Variants in SPATA13 observed in about 807,000 individuals in gnomAD.
The protein encoded by SPATA13 is spermatogenesis associated 13, also known as spermatogenesis-associated protein 13.
A neutral mutation model predicts 104.0 loss-of-function variants in SPATA13; 50 were observed. That is an observed-to-expected ratio of 0.48 (90% CI 0.38 to 0.61). SPATA13 has a LOEUF of 0.61. Among genes scored for constraint, SPATA13 ranks in the 20% least tolerant of loss-of-function variants. The probability of loss-of-function intolerance (pLI) is 0.00; values close to 1 mark genes in which losing one functional copy is unlikely to be tolerated. For synonymous variants in SPATA13, 606 were observed against 667.5 expected, an observed-to-expected ratio of 0.91 and a Z score of 1.42; for missense variants, 1,524 against 1,690.6, an observed-to-expected ratio of 0.90 and a Z score of 1.73.
At chr13:24,002,422 G>C (rs1356130270) in intron 2 of SPATA13, among the ~76,000 whole-genome samples, 1 of 152,188 alleles carries the variant, frequency 6.6e-6, no homozygotes, top group Non-Finnish European at 1.5e-5. Context: ...CAGTCGCTCT[G>C]CATTCCATAG....
At chr13:24,209,704 T>C (rs751132391) in intron 1 of SPATA13, among the ~76,000 whole-genome samples, 4 of 152,224 alleles carry the variant, frequency 2.6e-5, no homozygotes, top group Non-Finnish European at 5.9e-5. Context: ...TCTTGGCTAC[T>C]GTGAATAGTG....
chr13:24,247,478 C>CTTTTTTTTTTTTTTTTTTT lies in SPATA13; in HGVS notation c.1654-1998_1654-1980dup, dbSNP rs10625714. 5.7e-5 allele frequency among the ~76,000 whole-genome samples: 5 copies of CTTTTTTTTTTTTTTTTTTT among 87,122 alleles called. 2 individuals carry two copies. Among genetic ancestry groups the CTTTTTTTTTTTTTTTTTTT allele is most frequent in the Admixed American group, 3.6e-4 (2 of 5,624 alleles). 57.2% of individuals were successfully genotyped at this position (87,122 alleles called of 152,430 possible). A position where few individuals can be genotyped will look rare whatever the true frequency, so the allele number is the denominator to read the frequency against. ...CACTGTGCTCTTTGCTCCACATTCACTTTTTTTTTTTTTTTTTTTGAGACA... is the reference window on the plus strand; with the variant it reads ...CACTGTGCTCTTTGCTCCACATTCACTTTTTTTTTTTTTTTTTTTTTTTTTTTTTTTTTTTTTTGAGACA... On this transcript the variant is annotated intron_variant, in intron 2 of 12. Coordinates refer to ENST00000382108, the MANE Select transcript of SPATA13 (RefSeq NM_001166271.3).
chr13:24,259,852 T>C (rs564896205), intron 4 of SPATA13, among the ~76,000 whole-genome samples: 5 of 152,336 alleles, frequency 3.3e-5, no homozygotes, highest in African/African-American at 1.2e-4. Context: ...AGTCTCACTC[T>C]GTTGCCCAGA....
intron 9 of SPATA13, among the ~76,000 whole-genome samples, chr13:24,291,967 A>G (rs929200090): frequency 2.0e-5 from 3 of 150,764 alleles, no homozygotes; most frequent in African/African-American, 7.3e-5. Flanking sequence ...CTTGTTAGCC[A>G]GGATGGTCTC....
At chr13:24,084,403 G>A (rs1243170295) in intron 3 of SPATA13, among the ~76,000 whole-genome samples, 1 of 152,226 alleles carries the variant, frequency 6.6e-6, no homozygotes. Flanking sequence ...GCCCGGGGAA[G>A]AAATCTGGGT....
intron 7 of SPATA13, 23 bp from the exon 8 acceptor site, chr13:24,288,976 A>G (rs751699355): frequency 6.4e-6 from 10 of 1,561,816 alleles, no homozygotes; most frequent in Non-Finnish European, 1.7e-6. Context: ...CCAAATAAAA[A>G]GTATTACTTC....
intron 3 of SPATA13, among the ~76,000 whole-genome samples, chr13:24,091,736 G>C (rs976290349): frequency 1.3e-5 from 2 of 152,202 alleles, no homozygotes; most frequent in Admixed American, 1.3e-4. Context: ...GCTTGAACCT[G>C]GGAGGCGGAG....
Position 24,184,017 on chromosome 13 carries a change from G to A in SPATA13, c.-112+23085G>A, listed in dbSNP as rs141005897. Among the ~76,000 whole-genome samples, 24 of 152,190 alleles carry A rather than the reference G, an allele frequency of 1.6e-4. No homozygotes were observed. In the South Asian group the frequency reaches 2.3e-3, roughly 14 times the overall value. ...AACTGAAACACACAGGAAGTGGCGCGCTCAAGGTCACCCAGAAAAGCCAGC... is the reference window on the plus strand; with the variant it reads ...AACTGAAACACACAGGAAGTGGCGCACTCAAGGTCACCCAGAAAAGCCAGC... On this transcript the variant is annotated intron_variant, in intron 1 of 12. Coordinates refer to ENST00000382108, the MANE Select transcript of SPATA13 (RefSeq NM_001166271.3).
At chr13:24,212,262 T>G (rs904181806) in intron 1 of SPATA13, among the ~76,000 whole-genome samples, 126 of 139,662 alleles carry the variant, frequency 9.0e-4, no homozygotes, top group African/African-American at 3.4e-3. Context: ...CAGGCTGCAC[T>G]CCAACCTGGG....
chr13:24,154,667 G>A (rs1332732090), intron 3 of SPATA13, among the ~76,000 whole-genome samples: 1 of 152,140 alleles, frequency 6.6e-6, no homozygotes, highest in Non-Finnish European at 1.5e-5. Flanking sequence ...ACTTTTAAGC[G>A]AGTTTCCAGG....
chr13:24,002,005 G>A (rs1875997557), intron 2 of SPATA13, among the ~76,000 whole-genome samples: 1 of 152,106 alleles, frequency 6.6e-6, no homozygotes, highest in African/African-American at 2.4e-5. Context: ...GGGGGCGGGT[G>A]GGAGCAGAGG....
intron 1 of SPATA13, among the ~76,000 whole-genome samples, chr13:24,185,945 T>C (rs2793482): frequency 0.64 from 97,543 of 152,008 alleles, 31,401 homozygotes; most frequent in Non-Finnish European, 0.66. Flanking sequence ...TTGAATCTTA[T>C]GGCAATCTTA....
intron 3 of SPATA13, among the ~76,000 whole-genome samples, chr13:24,058,116 A>G (rs1022357769): frequency 1.3e-5 from 2 of 151,800 alleles, no homozygotes; most frequent in Non-Finnish European, 2.9e-5. Flanking sequence ...ATGTCTTTGT[A>G]TTTATTTACC....
In SPATA13 at chr13:24,195,378, C is replaced by T. The variant is rs534723018; in HGVS notation, c.-111-27441C>T. ...GTTGATGGGTATTTGGTTCGTTTCC[C>T]CCTTTGACCATTATGAATAATGCTG... On this transcript the variant is annotated intron_variant, in intron 1 of 12. Transcript: ENST00000382108. Among the ~76,000 whole-genome samples the T allele has an allele frequency of 2.6e-4, 40 of 152,170 alleles. 2 individuals carry two copies. Among genetic ancestry groups the T allele is most frequent in the African/African-American group, 8.4e-4 (35 of 41,500 alleles).
At chr13:24,131,565 C>T (rs1018697923) in intron 3 of SPATA13, among the ~76,000 whole-genome samples, 3 of 152,108 alleles carry the variant, frequency 2.0e-5, no homozygotes, top group Admixed American at 6.5e-5. Context: ...GCTGAAATGT[C>T]AAGATTTACA....
At position 24,286,481 on chromosome 13, in the gene SPATA13, G is replaced by A; in HGVS notation, c.2481+88G>A. ...TCAGAACTCGCCTTTTATCAGGTCA[G>A]CTCTTTTGTAATTGATATCTGACAT... On this transcript the variant is annotated intron_variant, in intron 6 of 12. Transcript: ENST00000382108. The surrounding 1 kb of genome is among the most constrained non-coding windows in gnomAD (Gnocchi z 4.9). 7.4e-7 allele frequency: 1 copy of A among 1,359,014 alleles called. No individual in the cohort carries two copies. The highest frequency in any genetic ancestry group is 1.0e-6 in the Non-Finnish European group (1 of 1,004,520). The allele number at this position is 1,359,014 out of a possible 1,614,324, so 84.2% of individuals were successfully genotyped here.
chr13:24,248,376 C>T (rs1873283223), intron 2 of SPATA13, among the ~76,000 whole-genome samples: 1 of 152,256 alleles, frequency 6.6e-6, no homozygotes, highest in African/African-American at 2.4e-5. Flanking sequence ...TGAGATTGCA[C>T]TAGGTCTTGG....
chr13:24,247,396 T>A (rs544009273), intron 2 of SPATA13, among the ~76,000 whole-genome samples: 1 of 151,864 alleles, frequency 6.6e-6, no homozygotes, highest in South Asian at 2.1e-4. Context: ...CTTCTTTAGG[T>A]CCCAGTTTTC....
At chr13:23,992,068 A>G (rs1233141931) in intron 2 of SPATA13, among the ~76,000 whole-genome samples, 1 of 152,212 alleles carries the variant, frequency 6.6e-6, no homozygotes, top group Non-Finnish European at 1.5e-5. Context: ...CACAAAACCT[A>G]GGAAGTGAGT....
Sources: gnomAD v4.1 joint callset for allele counts (sites outside exome capture counted in the v4.1 genomes callset) on GRCh38, gnomAD v4.1.1 for gene constraint, Gnocchi (gnomAD v3.1) non-coding constraint, MANE v1.5 for transcripts, NCBI Gene and HGNC (gene_info 2026-07-23, HGNC 2026-07-21) for gene names.